The following ASTN1 variants were observed in gnomAD, a reference collection of about 807,000 sequenced individuals.
ASTN1 encodes the protein astrotactin 1, also known as astrotactin-1.
Under a neutral mutation model 140.7 loss-of-function variants are expected in ASTN1, and 41 were observed. That is an observed-to-expected ratio of 0.29 (90% confidence interval 0.23 to 0.38). The LOEUF (loss-of-function observed/expected upper bound fraction) is 0.38. Among genes scored for constraint, ASTN1 ranks in the 10% least tolerant of loss-of-function variants. ASTN1 has a pLI of 1.00. For missense variants in ASTN1, 1,479 were observed against 1,678.8 expected, an observed-to-expected ratio of 0.88 and a Z score of 2.08; for synonymous variants, 640 against 652.2, an observed-to-expected ratio of 0.98 and a Z score of 0.29.
At chr1:176,878,879 C>A (rs905993356) in intron 20 of ASTN1, among the ~76,000 whole-genome samples, 1 of 152,202 alleles carries the variant, frequency 6.6e-6, no homozygotes, top group Non-Finnish European at 1.5e-5. Flanking sequence ...GTCATACAAA[C>A]CTCGGTAGCA....
intron 9 of ASTN1, among the ~76,000 whole-genome samples, chr1:176,961,965 G>A (rs918052447): frequency 2.0e-5 from 3 of 152,196 alleles, no homozygotes; most frequent in African/African-American, 7.2e-5. Context: ...CTGTCCAGAG[G>A]CAAACACTCA....
chr1:177,029,774 T>C (rs1335146050), intron 4 of ASTN1, 33 bp from the exon 5 acceptor site: 1 of 1,578,920 alleles, frequency 6.3e-7, no homozygotes, highest in Non-Finnish European at 8.6e-7. Flanking sequence ...AAGAAAGCGT[T>C]TTCAGTTCTG....
intron 1 of ASTN1, among the ~76,000 whole-genome samples, chr1:177,148,417 CAAAA>C (rs779226602): frequency 3.3e-5 from 3 of 91,408 alleles, no homozygotes. Flanking sequence ...GACTCCGTCT[CAAAA>C]AAAAAAAAAA....
chr1:176,934,633 C>A (rs1671356239), intron 15 of ASTN1, among the ~76,000 whole-genome samples: 1 of 149,874 alleles, frequency 6.7e-6, no homozygotes. Flanking sequence ...TTTTTTAAAT[C>A]ACAGGTCATG....
rs1255120937 is a variant in ASTN1, at chr1:177,030,754, T to C, written c.1012+52A>G. On this transcript the variant is annotated intron_variant, in intron 4 of 22. Coordinates refer to ENST00000361833, the MANE Select transcript of ASTN1 (RefSeq NM_004319.3). ...GGTAGAAGATATTAATGGCCCTGCC[T>C]CTACCAATATGAAGGAATCCACCCA... 3.1e-6 allele frequency: 5 copies of C among 1,608,000 alleles called. No homozygotes were observed. In the African/African-American group the frequency reaches 5.3e-5, roughly 17 times the overall value.
intron 2 of ASTN1, among the ~76,000 whole-genome samples, chr1:177,042,290 T>C (rs1178693145): frequency 1.3e-5 from 2 of 152,092 alleles, no homozygotes; most frequent in African/African-American, 4.8e-5. Flanking sequence ...TGTGACAGGA[T>C]CCAGTCAAGT....
intron 16 of ASTN1, among the ~76,000 whole-genome samples, chr1:176,916,014 T>A (rs2103066648): frequency 6.6e-6 from 1 of 152,344 alleles, no homozygotes. Context: ...TGTCCCTGGT[T>A]TATCTCCACC....
At chr1:176,999,265 A>T (rs79753017) in intron 8 of ASTN1, among the ~76,000 whole-genome samples, 1,529 of 152,310 alleles carry the variant, frequency 0.01, 18 homozygotes, top group African/African-American at 0.034. Flanking sequence ...AAAGAATCCA[A>T]AGATGTCTAG....
intron 8 of ASTN1, among the ~76,000 whole-genome samples, chr1:177,014,205 T>C (rs756603689): frequency 2.0e-4 from 30 of 152,084 alleles, no homozygotes; most frequent in Non-Finnish European, 4.1e-4. Flanking sequence ...ATGTAAAAAA[T>C]AAAAACAAAA....
chr1:177,014,456 C>T (rs887054773), intron 8 of ASTN1, among the ~76,000 whole-genome samples: 1 of 152,186 alleles, frequency 6.6e-6, no homozygotes, highest in Non-Finnish European at 1.5e-5. Flanking sequence ...TCTGTGGCTT[C>T]ATGTGTCTCC....
At position 176,978,012 on chromosome 1, in the gene ASTN1, T is replaced by A. The variant is rs146855710; in HGVS notation, c.1524-12775A>T. On this transcript the variant is annotated intron_variant, in intron 8 of 22. Coordinates refer to ENST00000361833, the MANE Select transcript of ASTN1 (RefSeq NM_004319.3). ...GAAATCACATCCTGTTCAAGGGTCA[T>A]GGAAAAGGCTCAGTCAGGAAGAGCT... Among the ~76,000 whole-genome samples the A allele has an allele frequency of 3.2e-3, 494 of 152,274 alleles. 7 individuals carry two copies. The highest frequency in any genetic ancestry group is 0.011 in the African/African-American group (457 of 41,566).
At position 176,943,905 on chromosome 1, in the gene ASTN1, G is replaced by A. The variant is rs748622490; in HGVS notation, c.2363C>T (p.Pro788Leu). ...GGCACACTCACCAGTCAGGAAGTCA[G>A]GGTCAGGGGTGGGCTCCGAGATCTC... ...LEEISEPTPD[P>L]DFLTGMVNFS... The change falls in exon 14 of 23, where the codon CCT (proline) becomes CTT (leucine). Residue 788 changes from proline (P) to leucine (L), a missense_variant. This residue lies in a region of ASTN1 where 746 missense variants were observed against 800.9 expected (regional missense o/e 0.93). Coordinates refer to ENST00000361833, the MANE Select transcript of ASTN1 (RefSeq NM_004319.3). The A allele has an allele frequency of 6.2e-7, 1 of 1,607,178 alleles. No homozygotes were observed. The highest frequency in any genetic ancestry group is 1.7e-5 in the Admixed American group (1 of 59,166).
intron 2 of ASTN1, 66 bp downstream of exon 2, chr1:177,061,012 C>A: frequency 7.2e-7 from 1 of 1,391,008 alleles, no homozygotes; most frequent in Non-Finnish European, 9.5e-7. Flanking sequence ...ATCTATAATA[C>A]CAAGACCCTT....
intron 1 of ASTN1, among the ~76,000 whole-genome samples, chr1:177,083,151 G>A (rs1309123778): frequency 6.6e-6 from 1 of 152,074 alleles, no homozygotes; most frequent in Non-Finnish European, 1.5e-5. Context: ...AGGCAAGATA[G>A]TCTCATTTTA....
chr1:177,084,998 A>G (rs1329672701), intron 1 of ASTN1, among the ~76,000 whole-genome samples: 1 of 152,222 alleles, frequency 6.6e-6, no homozygotes, highest in East Asian at 1.9e-4. Context: ...CCTGCTGAAG[A>G]CATGGGTTGA....
chr1:177,047,314 A>C (rs1460457248), intron 2 of ASTN1, among the ~76,000 whole-genome samples: 1 of 152,220 alleles, frequency 6.6e-6, no homozygotes, highest in African/African-American at 2.4e-5. Flanking sequence ...GGCCAGCATG[A>C]GTGAAATCAT....
intron 8 of ASTN1, among the ~76,000 whole-genome samples, chr1:176,985,845 TACACAC>T (rs60769752): frequency 0.037 from 4,796 of 129,648 alleles, 106 homozygotes; most frequent in African/African-American, 0.063. Context: ...TCTCTCTCTC[TACACAC>T]ACACACACAC....
At chr1:177,075,904 A>G (rs917437407) in intron 1 of ASTN1, among the ~76,000 whole-genome samples, 5 of 151,332 alleles carry the variant, frequency 3.3e-5, no homozygotes, top group Non-Finnish European at 7.4e-5. Context: ...ATCCTCCCAA[A>G]GCACCGTGAT....
chr1:176,896,346 C>G (rs1669505766), intron 16 of ASTN1, among the ~76,000 whole-genome samples: 1 of 152,176 alleles, frequency 6.6e-6, no homozygotes, highest in African/African-American at 2.4e-5. Context: ...TATAACTACT[C>G]AAACCAAAAA....
Sources: allele counts gnomAD v4.1 joint callset (sites outside exome capture counted in the v4.1 genomes callset), GRCh38; gene constraint gnomAD v4.1.1; regional missense constraint gnomAD v4.1.1; transcripts MANE v1.5; gene names NCBI Gene and HGNC (gene_info 2026-07-23, HGNC 2026-07-21).